CHCHD3: variants seen among roughly 807,000 people sequenced by gnomAD.
CHCHD3 encodes coiled-coil-helix-coiled-coil-helix domain containing 3.
In CHCHD3, 20 loss-of-function variants were observed where a neutral mutation model predicts 38.2. That is an observed-to-expected ratio of 0.52 (90% confidence interval 0.37 to 0.76). The LOEUF is 0.76. CHCHD3 is among the 30% of genes least tolerant of loss of function. The pLI is 0.00. For synonymous variants in CHCHD3, 82 were observed against 100.0 expected (o/e 0.82, Z 1.07); for missense variants, 245 against 279.2 (o/e 0.88, Z 0.87).
At chr7:132,812,657 AAAC>A (rs1284122681) in intron 6 of CHCHD3, among the ~76,000 whole-genome samples, 1 of 152,080 alleles carries the variant, frequency 6.6e-6, no homozygotes, top group Non-Finnish European at 1.5e-5. Flanking sequence ...TTCATTATCA[AAAC>A]AACAACAACC....
intron 3 of CHCHD3, among the ~76,000 whole-genome samples, chr7:133,005,028 T>C (rs1426981613): frequency 4.6e-5 from 7 of 152,132 alleles, no homozygotes; most frequent in African/African-American, 1.7e-4. Context: ...TATTTCAATA[T>C]ATTGATCTTT....
rs1271381875 is a variant in CHCHD3, at chr7:132,788,368, G to T, written c.661-2708C>A. 1.2e-4 allele frequency among the ~76,000 whole-genome samples: 18 copies of T among 152,130 alleles called. No individual in the cohort carries two copies. The highest frequency in any genetic ancestry group is 6.6e-4 in the Admixed American group (10 of 15,262). ...GGGAGCTTTGAGTTGTCATCTGCCT[G>T]GTCAAGATTACATAGCTGTACCCCT... On this transcript the variant is annotated intron_variant, in intron 7 of 7. Coordinates refer to ENST00000262570, the MANE Select transcript of CHCHD3 (RefSeq NM_017812.4). This position sits in a 1 kb window ranked among gnomAD's most constrained non-coding sequence, Gnocchi z 4.0.
chr7:132,966,045 T>A (rs569667337), intron 4 of CHCHD3, among the ~76,000 whole-genome samples: 34 of 152,342 alleles, frequency 2.2e-4, no homozygotes, highest in Admixed American at 1.6e-3. Flanking sequence ...CATGGTGCTA[T>A]CTGTGTAAAT....
intron 4 of CHCHD3, among the ~76,000 whole-genome samples, chr7:132,964,848 A>G (rs1425118576): frequency 6.6e-6 from 1 of 152,240 alleles, no homozygotes; most frequent in Non-Finnish European, 1.5e-5. Context: ...TTACAGTTTG[A>G]CATGCCAGAA....
chr7:132,830,203 G>A (rs1263584430), intron 6 of CHCHD3, among the ~76,000 whole-genome samples: 1 of 152,116 alleles, frequency 6.6e-6, no homozygotes, highest in African/African-American at 2.4e-5. Flanking sequence ...TTCTAAATGG[G>A]TATCGTAAGA....
At chr7:133,040,746 C>A (rs565125846) in intron 2 of CHCHD3, among the ~76,000 whole-genome samples, 1 of 152,172 alleles carries the variant, frequency 6.6e-6, no homozygotes, top group Non-Finnish European at 1.5e-5. Flanking sequence ...TGTTAATATG[C>A]CTGGTGTCAA....
At position 132,975,185 on chromosome 7, in the gene CHCHD3, G is replaced by C. The variant is rs747176873; in HGVS notation, c.353C>G (p.Ala118Gly). Residue 118 changes from alanine to glycine, a missense_variant, in exon 4 of 8, where the codon GCT becomes GGT. Transcript: ENST00000262570. ...AATACTCACCAGGTGCTTTGCCTTA[G>C]CGCGTTCCTCCTCGCTACATATCCT... Reference protein sequence around the residue: ...RERICSEEERAKAKHLARQLE... With the variant: ...RERICSEEERGKAKHLARQLE... 2 of 1,612,054 alleles carry C rather than the reference G, an allele frequency of 1.2e-6. No homozygotes were observed. The highest frequency in any genetic ancestry group is 1.7e-6 in the Non-Finnish European group (2 of 1,179,848).
rs143878940 is a variant in CHCHD3 at position 133,007,747 on chromosome 7, T to C, written c.251+16799A>G. ...TTCTGATTTTTAGCTTCCTGATTAA[T>C]TTACTTGCCCTTTGAAAATGTCCTC... is the stretch of plus-strand genomic sequence containing the variant. On this transcript the variant is annotated intron_variant, in intron 3 of 7. Coordinates refer to ENST00000262570, the MANE Select transcript of CHCHD3 (RefSeq NM_017812.4). Among the ~76,000 whole-genome samples, 507 of 152,338 alleles carry C rather than the reference T, an allele frequency of 3.3e-3. 2 individuals are homozygous for C. Among genetic ancestry groups the C allele is most frequent in the Non-Finnish European group, 5.4e-3 (367 of 68,032 alleles).
chr7:132,985,369 A>C (rs1214273848), intron 3 of CHCHD3, among the ~76,000 whole-genome samples: 6 of 23,614 alleles, frequency 2.5e-4, no homozygotes, highest in South Asian at 2.0e-3. Context: ...CCGTCCGGGA[A>C]GGAGGTGGGG....
At chr7:132,885,624 G>T in intron 5 of CHCHD3, 38 bp downstream of exon 5, 1 of 1,400,918 alleles carries the variant, frequency 7.1e-7, no homozygotes, top group Non-Finnish European at 9.9e-7. Flanking sequence ...GAAAACAGCA[G>T]ATGTGGTAAT....
intron 3 of CHCHD3, among the ~76,000 whole-genome samples, chr7:132,988,388 T>C (rs921276964): frequency 6.6e-5 from 10 of 151,964 alleles, no homozygotes; most frequent in Admixed American, 6.6e-4. Flanking sequence ...ACCATTGTAA[T>C]CCCCACATTA....
At chr7:132,881,457 A>G (rs1809054607) in intron 5 of CHCHD3, among the ~76,000 whole-genome samples, 1 of 152,192 alleles carries the variant, frequency 6.6e-6, no homozygotes, top group African/African-American at 2.4e-5. Context: ...TCAAAAAGTG[A>G]TAACGTGTAC....
chr7:132,850,621 G>C (rs1265350257), intron 5 of CHCHD3, among the ~76,000 whole-genome samples: 1 of 151,950 alleles, frequency 6.6e-6, no homozygotes, highest in East Asian at 1.9e-4. Context: ...GGCATTCTAA[G>C]TTTCCTTTTA....
chr7:132,789,107 T>C (rs1255632245), intron 7 of CHCHD3, among the ~76,000 whole-genome samples: 1 of 152,204 alleles, frequency 6.6e-6, no homozygotes, highest in Non-Finnish European at 1.5e-5. Flanking sequence ...TTTCACCTTA[T>C]AGGTTCTACT....
At chr7:133,036,063 T>C in intron 2 of CHCHD3, 1 of 711,846 alleles carries the variant, frequency 1.4e-6, no homozygotes, top group Non-Finnish European at 2.5e-6. Flanking sequence ...CATGATGATT[T>C]CATAAAATAA....
chr7:133,070,871 T>G (rs1287154806), intron 1 of CHCHD3, among the ~76,000 whole-genome samples: 3 of 152,198 alleles, frequency 2.0e-5, no homozygotes, highest in South Asian at 4.1e-4. Flanking sequence ...GGGCAGCACA[T>G]GTAGCCAGGC....
chr7:132,796,709 T>G, intron 6 of CHCHD3, 132 bp from the exon 7 acceptor site: 1 of 797,288 alleles, frequency 1.3e-6, no homozygotes, highest in Non-Finnish European at 1.9e-6. Flanking sequence ...GAGAAAGAAT[T>G]TTCCTTAAAC....
intron 4 of CHCHD3, chr7:132,972,642 C>T: frequency 2.0e-6 from 2 of 985,392 alleles, no homozygotes; most frequent in Non-Finnish European, 2.4e-6. Context: ...GTTGCTGTGG[C>T]CATGGCAGAC....
At chr7:133,081,650 T>G (rs1454766165) in intron 1 of CHCHD3, among the ~76,000 whole-genome samples, 2 of 152,220 alleles carry the variant, frequency 1.3e-5, no homozygotes, top group Admixed American at 1.3e-4. Flanking sequence ...GCCCCAGCAG[T>G]GCCTAGCACT....
Sources: allele counts gnomAD v4.1 joint callset (sites outside exome capture counted in the v4.1 genomes callset), GRCh38; gene constraint gnomAD v4.1.1; non-coding constraint Gnocchi (gnomAD v3.1); transcripts MANE v1.5; gene names NCBI Gene and HGNC (gene_info 2026-07-23, HGNC 2026-07-21).